Variants in PATJ observed in about 807,000 individuals in gnomAD.
PATJ encodes inaD-like protein.
A neutral mutation model predicts 224.9 loss-of-function variants in PATJ; 190 were observed. The observed-to-expected ratio is 0.84, with a 90% CI of 0.75 to 0.95. The LOEUF (loss-of-function observed/expected upper bound fraction) is 0.95. Among genes scored for constraint, PATJ ranks in the 40% least tolerant of loss-of-function variants. The probability of loss-of-function intolerance (pLI) is 0.00; values close to 1 mark genes in which losing one functional copy is unlikely to be tolerated. For synonymous variants in PATJ, 769 were observed against 820.3 expected (o/e 0.94, Z 1.07); for missense variants, 2,121 against 2,270.3 (o/e 0.93, Z 1.34).
At chr1:62,051,291 C>T (rs1265855392) in intron 31 of PATJ, among the ~76,000 whole-genome samples, 2 of 151,952 alleles carry the variant, frequency 1.3e-5, no homozygotes, top group African/African-American at 4.8e-5. Context: ...GCAATCTCTC[C>T]TCTTTTTTTT....
chr1:61,819,641 G>C (rs925451021), intron 14 of PATJ, among the ~76,000 whole-genome samples: 1 of 152,162 alleles, frequency 6.6e-6, no homozygotes, highest in African/African-American at 2.4e-5. Context: ...TGGGAAGGCA[G>C]CTCCAATTTG....
intron 27 of PATJ, chr1:61,952,449 C>T (rs1348652368): frequency 1.3e-5 from 9 of 716,922 alleles, no homozygotes; most frequent in South Asian, 3.0e-5. Flanking sequence ...GTGGTTCTTT[C>T]GGAATGCAAT....
intron 33 of PATJ, among the ~76,000 whole-genome samples, chr1:62,107,262 C>T (rs1315576473): frequency 6.6e-6 from 1 of 150,788 alleles, no homozygotes; most frequent in Non-Finnish European, 1.5e-5. Flanking sequence ...GCCAAGATGG[C>T]ACCACTGCAC....
At chr1:62,051,321 G>A (rs1262197695) in intron 31 of PATJ, among the ~76,000 whole-genome samples, 1 of 151,696 alleles carries the variant, frequency 6.6e-6, no homozygotes, top group Admixed American at 6.6e-5. Flanking sequence ...TTTTGTTTTT[G>A]TTTTTTGAGA....
intron 32 of PATJ, among the ~76,000 whole-genome samples, chr1:62,079,883 C>G (rs1336161982): frequency 6.6e-6 from 1 of 152,030 alleles, no homozygotes; most frequent in East Asian, 1.9e-4. Flanking sequence ...GAAAAATTAG[C>G]CAGGCATGGT....
chr1:61,815,014 A>G (rs1655819891), intron 14 of PATJ, among the ~76,000 whole-genome samples: 1 of 152,196 alleles, frequency 6.6e-6, no homozygotes, highest in Non-Finnish European at 1.5e-5. Flanking sequence ...CTGCGATTGT[A>G]TAGGGGCATG....
At chr1:61,823,577 T>C (rs1657670391) in intron 15 of PATJ, among the ~76,000 whole-genome samples, 1 of 152,186 alleles carries the variant, frequency 6.6e-6, no homozygotes, top group Admixed American at 6.5e-5. Context: ...TGAAAGGACT[T>C]TCTTGAGAGG....
intron 10 of PATJ, 89 bp downstream of exon 10, chr1:61,795,647 A>G (rs1650935334): frequency 1.5e-6 from 1 of 666,024 alleles, no homozygotes; most frequent in Non-Finnish European, 2.5e-6. Context: ...GGAATAGCTT[A>G]ATATAGTTTT....
chr1:62,061,299 A>G (rs1232559998), intron 31 of PATJ, among the ~76,000 whole-genome samples: 1 of 151,700 alleles, frequency 6.6e-6, no homozygotes, highest in African/African-American at 2.4e-5. Flanking sequence ...CTCCTGCCTC[A>G]GCCTCCCGAG....
At position 62,086,306 on chromosome 1, in the gene PATJ, TTGTG is replaced by T. The variant is rs1326947958; in HGVS notation, c.4377+1668_4377+1671del. Among the ~76,000 whole-genome samples, 2 of 150,664 alleles carry T rather than the reference TTGTG, an allele frequency of 1.3e-5. No homozygotes were observed. Among genetic ancestry groups the T allele is most frequent in the East Asian group, 3.9e-4 (2 of 5,160 alleles). The stretch of plus-strand genomic sequence containing the variant: ...AAGTTAAATTGATACAAAAGGAAAA[TTGTG>T]TGTGTGTGTATGTAATACCTGCATC... On this transcript the variant is annotated intron_variant, in intron 33 of 43. Coordinates refer to ENST00000642238, the MANE Select transcript of PATJ (RefSeq NM_001350145.3). This position sits in a 1 kb window ranked among gnomAD's most constrained non-coding sequence, Gnocchi z 4.0.
At chr1:61,998,246 AT>A (rs201386776) in intron 28 of PATJ, among the ~76,000 whole-genome samples, 9,964 of 149,034 alleles carry the variant, frequency 0.067, 768 homozygotes, top group East Asian at 0.4. Context: ...GGCCTGGCTA[AT>A]TTTTTTTTGT....
intron 15 of PATJ, among the ~76,000 whole-genome samples, chr1:61,824,699 A>G (rs1045417807): frequency 6.6e-6 from 1 of 152,188 alleles, no homozygotes. Context: ...TACTGGAATT[A>G]CAGTCATTAG....
intron 14 of PATJ, among the ~76,000 whole-genome samples, chr1:61,812,434 G>GAGAGAGTA (rs1655058881): frequency 1.7e-5 from 1 of 59,964 alleles, no homozygotes; most frequent in Admixed American, 1.8e-4. Context: ...GAGAGAGAGA[G>GAGAGAGTA]TGTGTGTGTG....
At position 62,114,257 on chromosome 1, in the gene PATJ, G is replaced by C; in HGVS notation, c.4655+11G>C. 1.2e-6 allele frequency: 2 copies of C among 1,612,582 alleles called. No individual in the cohort carries two copies. The highest frequency in any genetic ancestry group is 1.7e-6 in the Non-Finnish European group (2 of 1,179,264). On this transcript the variant is annotated intron_variant, in intron 35 of 43. Transcript: ENST00000642238. ...CATCGTTGGGAAACGGTAAAGACGT[G>C]CTGTGGGAGTTGGGATCTGCCTTTT...
chr1:61,793,187 C>T (rs1650259195), intron 9 of PATJ, among the ~76,000 whole-genome samples: 1 of 152,068 alleles, frequency 6.6e-6, no homozygotes, highest in African/African-American at 2.4e-5. Flanking sequence ...GACTCTTGTG[C>T]CTCAGACTCC....
At chr1:62,124,212 A>G (rs1266267895) in intron 39 of PATJ, among the ~76,000 whole-genome samples, 1 of 152,002 alleles carries the variant, frequency 6.6e-6, no homozygotes, top group African/African-American at 2.4e-5. Context: ...CCTCCCAAGT[A>G]GCTGAGACTA....
At chr1:61,938,185 C>G (rs79000025) in intron 27 of PATJ, among the ~76,000 whole-genome samples, 2,273 of 152,274 alleles carry the variant, frequency 0.015, 64 homozygotes, top group African/African-American at 0.052. Context: ...GTTATAACAA[C>G]CAAAAACGTT....
At chr1:62,139,852 C>T (rs12091611) in intron 41 of PATJ, among the ~76,000 whole-genome samples, 14,765 of 151,646 alleles carry the variant, frequency 0.097, 834 homozygotes, top group Middle Eastern at 0.18. Flanking sequence ...CTCAACCTCC[C>T]GGGCTCGGGT....
intron 28 of PATJ, chr1:61,990,565 C>G (rs1024292972): frequency 7.2e-6 from 3 of 418,494 alleles, no homozygotes; most frequent in Non-Finnish European, 1.2e-5. Flanking sequence ...ACTAATCTCA[C>G]AGAATATTTT....
Sources: allele counts gnomAD v4.1 joint callset (sites outside exome capture counted in the v4.1 genomes callset), GRCh38; gene constraint gnomAD v4.1.1; non-coding constraint Gnocchi (gnomAD v3.1); transcripts MANE v1.5; gene names NCBI Gene and HGNC (gene_info 2026-07-23, HGNC 2026-07-21).